CMSS1: variants seen among roughly 807,000 people sequenced by gnomAD.
CMSS1 encodes the protein protein CMSS1.
Under a neutral mutation model 43.5 loss-of-function variants are expected in CMSS1, and 33 were observed. The ratio of observed to expected loss-of-function variants is 0.76; its 90% confidence interval spans 0.57 to 1.01. CMSS1 has a LOEUF of 1.01. CMSS1 is among the 50% of genes least tolerant of loss of function. CMSS1 has a pLI of 0.00. For missense variants in CMSS1, 313 were observed against 326.4 expected, an observed-to-expected ratio of 0.96 and a Z score of 0.32; for synonymous variants, 115 against 117.2, an observed-to-expected ratio of 0.98 and a Z score of 0.12.
intron 1 of CMSS1, among the ~76,000 whole-genome samples, chr3:99,991,834 A>ATGTGTG (rs1374667949): frequency 1.1e-3 from 89 of 84,500 alleles, no homozygotes; most frequent in African/African-American, 3.2e-3. Flanking sequence ...GTATATATAT[A>ATGTGTG]TATGTGTGTG....
At chr3:100,112,056 T>C (rs1426262683) in intron 1 of CMSS1, among the ~76,000 whole-genome samples, 11 of 152,278 alleles carry the variant, frequency 7.2e-5, no homozygotes, top group Non-Finnish European at 1.5e-5. Flanking sequence ...CATTCTAAAA[T>C]AGTTGATGAA....
Position 99,854,184 on chromosome 3 carries a change from G to A in CMSS1, c.64+36141G>A, listed in dbSNP as rs549741422. Among the ~76,000 whole-genome samples, 12 of 152,272 alleles carry A rather than the reference G, an allele frequency of 7.9e-5. No homozygotes were observed. The East Asian group carries it at 2.3e-3, about 29-fold the overall frequency. ...AGAAGGTATAGGGTGAGGAGGGTGT[G>A]GAGTTGAGCCTCCTAAGCCTGCTTC... On this transcript the variant is annotated intron_variant, in intron 1 of 9. Coordinates refer to ENST00000421999, the MANE Select transcript of CMSS1 (RefSeq NM_032359.4).
intron 1 of CMSS1, among the ~76,000 whole-genome samples, chr3:99,982,534 G>C (rs910595339): frequency 6.6e-6 from 1 of 151,956 alleles, no homozygotes; most frequent in African/African-American, 2.4e-5. Context: ...TAGAATAAGA[G>C]TCTCTCACTC....
At chr3:99,887,268 A>C (rs75990716) in intron 1 of CMSS1, among the ~76,000 whole-genome samples, 1 of 144,482 alleles carries the variant, frequency 6.9e-6, no homozygotes, top group Non-Finnish European at 1.5e-5. Flanking sequence ...ACTCCATCTC[A>C]AAAAAAAAAA....
rs188687028 is a variant in CMSS1 at position 100,035,330 on chromosome 3, A to G, written c.65-111643A>G. Among the ~76,000 whole-genome samples the G allele has an allele frequency of 2.4e-4, 37 of 152,256 alleles. No individual in the cohort carries two copies. In the East Asian group the frequency reaches 6.6e-3, roughly 27 times the overall value. ...ACTCTGTCACCCAGGCTGGAGTTCA[A>G]TGGCACAATCTTGGCTCACTGCAAC... On this transcript the variant is annotated intron_variant, in intron 1 of 9. Transcript: ENST00000421999.
Position 99,924,234 on chromosome 3 carries a change from C to G in CMSS1, c.64+106191C>G, listed in dbSNP as rs751715182. The G allele has an allele frequency of 3.2e-5, 52 of 1,612,440 alleles. No individual in the cohort carries two copies. Among genetic ancestry groups the G allele is most frequent in the Non-Finnish European group, 4.2e-5 (49 of 1,179,468 alleles). On this transcript the variant is annotated intron_variant, in intron 1 of 9. Transcript: ENST00000421999. ...GTTTGCCCAAAGCAGCCTTACCTTT[C>G]ACATTCCTGTTCTAGTAGGCATATG... is the stretch of plus-strand genomic sequence containing the variant.
At chr3:100,160,552 C>T (rs1334357612) in intron 3 of CMSS1, 51 bp downstream of exon 3, 1 of 868,362 alleles carries the variant, frequency 1.2e-6, no homozygotes, top group East Asian at 2.6e-5. Context: ...GTTTCCATCA[C>T]ATTTTTATAT....
At chr3:99,980,858 A>G (rs991462660) in intron 1 of CMSS1, among the ~76,000 whole-genome samples, 1 of 152,172 alleles carries the variant, frequency 6.6e-6, no homozygotes, top group South Asian at 2.1e-4. Context: ...GGAGCCTTCT[A>G]GGCCAGTGCT....
At chr3:99,834,417 A>G (rs1241624476) in intron 1 of CMSS1, among the ~76,000 whole-genome samples, 2 of 152,180 alleles carry the variant, frequency 1.3e-5, no homozygotes, top group Non-Finnish European at 2.9e-5. Flanking sequence ...TCACCTCTCA[A>G]TCTCTCTTTC....
intron 2 of CMSS1, among the ~76,000 whole-genome samples, chr3:100,149,412 C>T (rs568803365): frequency 8.3e-4 from 126 of 152,196 alleles, no homozygotes; most frequent in Admixed American, 1.6e-3. Flanking sequence ...TTGGATTAAC[C>T]GTGTTCTCAT....
chr3:100,120,061 A>T (rs1202243973), intron 1 of CMSS1, among the ~76,000 whole-genome samples: 1 of 152,222 alleles, frequency 6.6e-6, no homozygotes, highest in Non-Finnish European at 1.5e-5. Flanking sequence ...TAACTTTTTT[A>T]AAAAATGAGG....
At chr3:99,907,630 A>G (rs528441457) in intron 1 of CMSS1, among the ~76,000 whole-genome samples, 5 of 152,300 alleles carry the variant, frequency 3.3e-5, no homozygotes, top group Admixed American at 3.3e-4. Context: ...CATTATGTGT[A>G]CTTAAGCCAA....
chr3:99,831,712 C>T (rs745628420), intron 1 of CMSS1, among the ~76,000 whole-genome samples: 4 of 152,234 alleles, frequency 2.6e-5, no homozygotes, highest in Non-Finnish European at 4.4e-5. Flanking sequence ...ATGTTGGGAT[C>T]GTCTTTAAAT....
chr3:100,026,239 G>A (rs963155771), intron 1 of CMSS1, among the ~76,000 whole-genome samples: 4 of 151,986 alleles, frequency 2.6e-5, no homozygotes, highest in African/African-American at 4.8e-5. Flanking sequence ...AATGCCCTTC[G>A]TTTAGTCAAA....
chr3:100,144,640 A>C (rs2066832669), intron 1 of CMSS1, among the ~76,000 whole-genome samples: 1 of 152,164 alleles, frequency 6.6e-6, no homozygotes, highest in Non-Finnish European at 1.5e-5. Flanking sequence ...GGTGAGGATG[A>C]GGTCATAGTT....
At chr3:99,968,126 C>G (rs913501537) in intron 1 of CMSS1, among the ~76,000 whole-genome samples, 1 of 152,110 alleles carries the variant, frequency 6.6e-6, no homozygotes, top group African/African-American at 2.4e-5. Context: ...GGGCACCTAG[C>G]CTTACGTGGC....
intron 1 of CMSS1, among the ~76,000 whole-genome samples, chr3:99,843,434 T>C (rs1195363899): frequency 6.6e-6 from 1 of 152,162 alleles, no homozygotes; most frequent in South Asian, 2.1e-4. Context: ...TGCCAGCCAC[T>C]AGAGGGTAGA....
chr3:99,935,402 G>A (rs1707631949), intron 1 of CMSS1, among the ~76,000 whole-genome samples: 1 of 152,170 alleles, frequency 6.6e-6, no homozygotes, highest in Non-Finnish European at 1.5e-5. Flanking sequence ...ACAGCCTAAT[G>A]TGTTGTTATC....
At chr3:100,031,538 G>A (rs796205093) in intron 1 of CMSS1, among the ~76,000 whole-genome samples, 80 of 152,210 alleles carry the variant, frequency 5.3e-4, no homozygotes, top group African/African-American at 1.9e-3. Flanking sequence ...TACAGAACTA[G>A]AAAAGTAATT....
Sources: gnomAD v4.1 joint callset for allele counts (sites outside exome capture counted in the v4.1 genomes callset) on GRCh38, gnomAD v4.1.1 for gene constraint, MANE v1.5 for transcripts, NCBI Gene and HGNC (gene_info 2026-07-23, HGNC 2026-07-21) for gene names.